SLC17A5: variants seen among roughly 807,000 people sequenced by gnomAD.
The protein encoded by SLC17A5 is solute carrier family 17 member 5.
In SLC17A5, 47 loss-of-function variants were observed where a neutral mutation model predicts 59.4. The ratio of observed to expected loss-of-function variants is 0.79; its 90% CI spans 0.63 to 1.01. The LOEUF (loss-of-function observed/expected upper bound fraction) is 1.01, where lower values mean the gene tolerates loss of function less well. Ranked by LOEUF, SLC17A5 falls within the 50% of genes least tolerant of loss-of-function variation. The pLI, the probability that SLC17A5 is intolerant of heterozygous loss-of-function variation, is 0.00. For synonymous variants in SLC17A5, 202 were observed against 210.7 expected (o/e 0.96, Z 0.36); for missense variants, 522 against 595.5 (o/e 0.88, Z 1.28).
intron 10 of SLC17A5, among the ~76,000 whole-genome samples, chr6:73,598,826 A>G (rs1766934097): frequency 6.6e-6 from 1 of 151,846 alleles, no homozygotes; most frequent in African/African-American, 2.4e-5. Context: ...CTCTATTAAA[A>G]ATACAAAATT....
At chr6:73,643,498 C>A (rs909279910) in intron 2 of SLC17A5, among the ~76,000 whole-genome samples, 1 of 148,374 alleles carries the variant, frequency 6.7e-6, no homozygotes, top group Admixed American at 6.7e-5. Context: ...TTTTTTGAGA[C>A]GAAGTCTTGC....
chr6:73,640,124 A>G (rs1197646838), intron 3 of SLC17A5, among the ~76,000 whole-genome samples: 1 of 152,238 alleles, frequency 6.6e-6, no homozygotes, highest in East Asian at 1.9e-4. Context: ...AATATGCCGT[A>G]ATGTTAAATT....
intron 9 of SLC17A5, among the ~76,000 whole-genome samples, chr6:73,602,542 A>T (rs1368396986): frequency 6.6e-6 from 1 of 152,190 alleles, no homozygotes; most frequent in East Asian, 1.9e-4. Flanking sequence ...TGGGAGGCCG[A>T]GGCGGGTGGA....
At chr6:73,621,016 A>T (rs1200486280) in intron 7 of SLC17A5, among the ~76,000 whole-genome samples, 4 of 144,758 alleles carry the variant, frequency 2.8e-5, no homozygotes, top group East Asian at 2.1e-4. Flanking sequence ...TATTATTATT[A>T]TTTTTTGAGA....
In SLC17A5 at chr6:73,632,791, T is replaced by A. The variant is rs951299156; in HGVS notation, c.819+2591A>T. Among the ~76,000 whole-genome samples, 5 of 151,558 alleles carry A rather than the reference T, an allele frequency of 3.3e-5. No individual in the cohort carries two copies. The South Asian group carries it at 1.0e-3, about 31-fold the overall frequency. On this transcript the variant is annotated intron_variant, in intron 6 of 10. Coordinates refer to ENST00000355773, the MANE Select transcript of SLC17A5 (RefSeq NM_012434.5). Reference sequence around the variant, plus strand: ...AAACAAACTCAAAAGTTTTATCAGTTCTGGAAGATCATGATAAAAATGAAA... The same window carrying A: ...AAACAAACTCAAAAGTTTTATCAGTACTGGAAGATCATGATAAAAATGAAA...
intron 9 of SLC17A5, among the ~76,000 whole-genome samples, chr6:73,608,782 G>A (rs1289411908): frequency 6.6e-6 from 1 of 152,208 alleles, no homozygotes; most frequent in Admixed American, 6.6e-5. Flanking sequence ...TCGGGGGGCT[G>A]AGGCGGGAAG....
rs1561988109 is a variant in SLC17A5 at position 73,610,448 on chromosome 6, C to T, written c.1211G>A (p.Gly404Asp). 2 of 1,614,114 alleles carry T rather than the reference C, an allele frequency of 1.2e-6. No homozygotes were observed. The highest frequency in any genetic ancestry group is 8.5e-7 in the Non-Finnish European group (1 of 1,180,032). Residue 404 changes from glycine (G) to aspartate (D), a missense_variant, in exon 9 of 11, where the codon GGC becomes GAC. Gly to Asp is a moderately conservative substitution (Grantham distance 94). Around this residue, in one of 3 missense-constraint regions of SLC17A5, gnomAD observed 153 missense variants for 168.5 expected, o/e 0.91. Transcript: ENST00000355773. ...AFLTISTTLG[G>D]FCSSGFSINH... ...GATGCTAAATCCAGAAGAGCAAAAG[C>T]CTCCCAGTGTTGTTGATATAGTTAG...
chr6:73,639,229 A>T (rs1334746137), intron 3 of SLC17A5, among the ~76,000 whole-genome samples: 1 of 152,244 alleles, frequency 6.6e-6, no homozygotes, highest in Non-Finnish European at 1.5e-5. Flanking sequence ...GAGATACCAC[A>T]GGACAGTGAG....
At chr6:73,628,408 A>G (rs574142597) in intron 6 of SLC17A5, among the ~76,000 whole-genome samples, 1 of 152,250 alleles carries the variant, frequency 6.6e-6, no homozygotes, top group South Asian at 2.1e-4. Flanking sequence ...TGGCTCTACT[A>G]AAAATATAAA....
chr6:73,611,980 C>T (rs926204195), intron 8 of SLC17A5, among the ~76,000 whole-genome samples: 9 of 151,492 alleles, frequency 5.9e-5, no homozygotes, highest in Non-Finnish European at 1.2e-4. Context: ...TACAGGTGCA[C>T]GCCACCATGT....
chr6:73,602,675 T>C (rs2150079551), intron 9 of SLC17A5, among the ~76,000 whole-genome samples: 1 of 150,910 alleles, frequency 6.6e-6, no homozygotes, highest in Middle Eastern at 3.5e-3. Context: ...CTCGGGAGGC[T>C]GAGGCAGGAG....
At chr6:73,617,292 C>G (rs535164716) in intron 7 of SLC17A5, among the ~76,000 whole-genome samples, 1 of 150,430 alleles carries the variant, frequency 6.6e-6, no homozygotes, top group Non-Finnish European at 1.5e-5. Context: ...AAGACTCTGT[C>G]TCAGAAAGAA....
At chr6:73,616,117 C>A (rs1404383263) in intron 7 of SLC17A5, among the ~76,000 whole-genome samples, 4 of 151,984 alleles carry the variant, frequency 2.6e-5, no homozygotes, top group Non-Finnish European at 5.9e-5. Context: ...AACTTCTGAC[C>A]TTGTGATCCA....
intron 10 of SLC17A5, among the ~76,000 whole-genome samples, chr6:73,600,090 G>A (rs1258647051): frequency 1.3e-5 from 2 of 152,118 alleles, no homozygotes; most frequent in Admixed American, 1.3e-4. Context: ...CACTGCACCC[G>A]GCCAATATCA....
intron 4 of SLC17A5, among the ~76,000 whole-genome samples, chr6:73,636,956 CG>C (rs1769033963): frequency 6.6e-6 from 1 of 151,834 alleles, no homozygotes; most frequent in Non-Finnish European, 1.5e-5. Flanking sequence ...TGGTGATGCA[CG>C]CCTGTAGTAC....
chr6:73,630,344 C>G (rs1768641435), intron 6 of SLC17A5, among the ~76,000 whole-genome samples: 3 of 152,112 alleles, frequency 2.0e-5, no homozygotes, highest in Admixed American at 6.6e-5. Context: ...TATATGCTAT[C>G]ATAATTGTAA....
intron 10 of SLC17A5, among the ~76,000 whole-genome samples, chr6:73,597,236 G>C (rs1286495545): frequency 3.9e-5 from 6 of 151,958 alleles, no homozygotes; most frequent in South Asian, 2.1e-4. Context: ...GGGAGGCCAT[G>C]GTGGGCGGAT....
intron 6 of SLC17A5, among the ~76,000 whole-genome samples, chr6:73,623,188 A>G (rs537020719): frequency 6.6e-6 from 1 of 152,036 alleles, no homozygotes; most frequent in East Asian, 1.9e-4. Flanking sequence ...ATGGGCATGC[A>G]CCACCATGCC....
chr6:73,639,463 A>G lies in SLC17A5; in HGVS notation c.526-964T>C, dbSNP rs537894961. Among the ~76,000 whole-genome samples, 4 of 152,376 alleles carry G rather than the reference A, an allele frequency of 2.6e-5. No individual in the cohort carries two copies. In the East Asian group the frequency reaches 7.7e-4, roughly 29 times the overall value. On this transcript the variant is annotated intron_variant, in intron 3 of 10. Coordinates refer to ENST00000355773, the MANE Select transcript of SLC17A5 (RefSeq NM_012434.5). ...AAAGTAATACCAATGGAAGGCAAAG[A>G]TGATTTAGGTACATTGCAAATCAAT...
Sources: gnomAD v4.1 joint callset for allele counts (sites outside exome capture counted in the v4.1 genomes callset) on GRCh38, gnomAD v4.1.1 for gene constraint, gnomAD v4.1.1 regional missense constraint, MANE v1.5 for transcripts, NCBI Gene and HGNC (gene_info 2026-07-23, HGNC 2026-07-21) for gene names.